Variants in KCTD16 observed in about 807,000 individuals in gnomAD.
KCTD16 encodes the protein potassium channel tetramerization domain containing 16.
KCTD16 carries 13 observed loss-of-function variants against 33.2 expected under a neutral mutation model. The ratio of observed to expected loss-of-function variants is 0.39; its 90% CI spans 0.25 to 0.62. The LOEUF (loss-of-function observed/expected upper bound fraction) is 0.62, where lower values mean the gene tolerates loss of function less well. Among genes scored for constraint, KCTD16 ranks in the 20% least tolerant of loss-of-function variants. The pLI is 0.50. For missense variants in KCTD16, 441 were observed against 525.1 expected (o/e 0.84, Z 1.57); for synonymous variants, 197 against 195.3 (o/e 1.01, Z -0.07).
intron 3 of KCTD16, among the ~76,000 whole-genome samples, chr5:144,421,982 A>G (rs1297799987): frequency 1.3e-5 from 2 of 152,164 alleles, no homozygotes; most frequent in Non-Finnish European, 2.9e-5. Flanking sequence ...ATTTGTCTAC[A>G]TGTGCAGTAG....
chr5:144,182,701 T>G (rs898279490), intron 2 of KCTD16, among the ~76,000 whole-genome samples: 20 of 151,804 alleles, frequency 1.3e-4, no homozygotes, highest in Non-Finnish European at 4.4e-5. Context: ...GCCATAATGG[T>G]GCCATTGCCC....
At chr5:144,220,343 G>T (rs10067368) in intron 3 of KCTD16, among the ~76,000 whole-genome samples, 2,155 of 152,192 alleles carry the variant, frequency 0.014, 47 homozygotes, top group African/African-American at 0.048. Context: ...CTATTTGCTT[G>T]ATTTACTTGT....
chr5:144,288,452 T>G (rs1457789506), intron 3 of KCTD16, among the ~76,000 whole-genome samples: 1 of 152,138 alleles, frequency 6.6e-6, no homozygotes, highest in Non-Finnish European at 1.5e-5. Context: ...GGATGGCTCC[T>G]GCTTGCAGGA....
At chr5:144,218,842 A>G (rs1284429370) in intron 3 of KCTD16, among the ~76,000 whole-genome samples, 9 of 152,238 alleles carry the variant, frequency 5.9e-5, no homozygotes, top group Non-Finnish European at 1.2e-4. Context: ...GAATGTATGG[A>G]TAAATTAATA....
chr5:144,349,365 A>G (rs890099721), intron 3 of KCTD16, among the ~76,000 whole-genome samples: 1 of 152,208 alleles, frequency 6.6e-6, no homozygotes, highest in Non-Finnish European at 1.5e-5. Flanking sequence ...TTTAGCAGGT[A>G]GAGTTTTTCA....
chr5:144,295,842 G>A (rs1205057371), intron 3 of KCTD16, among the ~76,000 whole-genome samples: 1 of 152,162 alleles, frequency 6.6e-6, no homozygotes, highest in Non-Finnish European at 1.5e-5. Context: ...ACTGGAGGAT[G>A]AGAGCCATAA....
intron 2 of KCTD16, among the ~76,000 whole-genome samples, chr5:144,189,388 C>G (rs1299668736): frequency 2.0e-5 from 3 of 151,248 alleles, no homozygotes; most frequent in Admixed American, 6.6e-5. Flanking sequence ...CCCAGCTGCT[C>G]GGGAGGCTGA....
chr5:144,276,193 C>T (rs968041698), intron 3 of KCTD16, among the ~76,000 whole-genome samples: 1 of 152,148 alleles, frequency 6.6e-6, no homozygotes, highest in East Asian at 1.9e-4. Context: ...AATTCTGAGA[C>T]ACATCAATAG....
At chr5:144,255,432 A>G (rs1301230473) in intron 3 of KCTD16, among the ~76,000 whole-genome samples, 2 of 152,148 alleles carry the variant, frequency 1.3e-5, no homozygotes, top group South Asian at 2.1e-4. Flanking sequence ...CAGCTGCACC[A>G]TTTTGCAATC....
At chr5:144,381,823 A>G (rs1752222189) in intron 3 of KCTD16, among the ~76,000 whole-genome samples, 1 of 152,226 alleles carries the variant, frequency 6.6e-6, no homozygotes, top group African/African-American at 2.4e-5. Context: ...TTGGAGATTT[A>G]TCAAAGAATC....
intron 3 of KCTD16, among the ~76,000 whole-genome samples, chr5:144,209,423 C>T (rs1196376030): frequency 6.6e-6 from 1 of 152,096 alleles, no homozygotes; most frequent in Non-Finnish European, 1.5e-5. Context: ...GTTTGTTCTC[C>T]ATCTCTCCAT....
intron 3 of KCTD16, among the ~76,000 whole-genome samples, chr5:144,273,829 A>G (rs1015832417): frequency 1.3e-5 from 2 of 152,024 alleles, no homozygotes; most frequent in African/African-American, 4.8e-5. Flanking sequence ...TTTCAGTTTT[A>G]CAAGATTAAG....
At chr5:144,451,251 G>C (rs966716988) in intron 3 of KCTD16, among the ~76,000 whole-genome samples, 1 of 152,046 alleles carries the variant, frequency 6.6e-6, no homozygotes. Flanking sequence ...GTAAATTAGA[G>C]AGCAGATTTT....
chr5:144,448,033 C>T (rs920691287), intron 3 of KCTD16, among the ~76,000 whole-genome samples: 6 of 150,780 alleles, frequency 4.0e-5, no homozygotes, highest in Non-Finnish European at 8.8e-5. Context: ...TGATCTGGCT[C>T]TTTTCTGCTC....
chr5:144,300,264 T>C (rs1751396911), intron 3 of KCTD16, among the ~76,000 whole-genome samples: 1 of 152,196 alleles, frequency 6.6e-6, no homozygotes, highest in South Asian at 2.1e-4. Context: ...AGTTACTCTT[T>C]TGCAAAAATA....
chr5:144,304,311 C>T lies in KCTD16; in HGVS notation c.832+96765C>T, dbSNP rs577814736. ...GAAGTGCAGCATGAAGCACATGTGA[C>T]ATAGCAGCAATAAGTCATCTTTCTG... On this transcript the variant is annotated intron_variant, in intron 3 of 3. Coordinates refer to ENST00000512467, the MANE Select transcript of KCTD16 (RefSeq NM_020768.4). 2.6e-5 allele frequency among the ~76,000 whole-genome samples: 4 copies of T among 152,250 alleles called. No homozygotes were observed. The East Asian group carries it at 7.7e-4, about 29-fold the overall frequency.
rs1754588000 is a variant in KCTD16 at position 144,476,089 on chromosome 5, T to G, written c.*1975T>G. On this transcript the variant is annotated 3_prime_UTR_variant, in exon 4 of 4. Coordinates refer to ENST00000512467, the MANE Select transcript of KCTD16 (RefSeq NM_020768.4). The stretch of plus-strand genomic sequence containing the variant: ...TGTTTGTAAACTTACCAGTATGTCT[T>G]GATTCTTTTCAATGTTTCTTGATAG... 3 of 152,372 alleles carry G rather than the reference T, an allele frequency of 2.0e-5. No individual in the cohort carries two copies. Among genetic ancestry groups the G allele is most frequent in the Middle Eastern group, 6.8e-3 (2 of 294 alleles). The allele number at this position is 152,372 out of a possible 1,614,324, so 9.4% of individuals were successfully genotyped here. A position where few individuals can be genotyped will look rare whatever the true frequency, so the allele number is the denominator to read the frequency against.
intron 2 of KCTD16, among the ~76,000 whole-genome samples, chr5:144,181,842 C>G (rs1246744868): frequency 6.6e-6 from 1 of 152,092 alleles, no homozygotes; most frequent in Non-Finnish European, 1.5e-5. Context: ...GCCTGTAATC[C>G]TAGCACTTTG....
In KCTD16 at chr5:144,485,563, A is replaced by G. The variant is rs934535813; in HGVS notation, c.*11449A>G. The G allele has an allele frequency of 1.3e-5, 2 of 151,952 alleles. No homozygotes were observed. Among genetic ancestry groups the G allele is most frequent in the South Asian group, 2.1e-4 (1 of 4,834 alleles). 9.4% of individuals were successfully genotyped at this position (151,952 alleles called of 1,614,324 possible). A position where few individuals can be genotyped will look rare whatever the true frequency, so the allele number is the denominator to read the frequency against. On this transcript the variant is annotated 3_prime_UTR_variant, in exon 4 of 4. Coordinates refer to ENST00000512467, the MANE Select transcript of KCTD16 (RefSeq NM_020768.4). ...TATTTTAAAAGGAAGAACAGAAACTATATTTCAGATTCTTGTGTGAATATA... is the reference window on the plus strand; with the variant it reads ...TATTTTAAAAGGAAGAACAGAAACTGTATTTCAGATTCTTGTGTGAATATA...
Sources: allele counts gnomAD v4.1 joint callset (sites outside exome capture counted in the v4.1 genomes callset), GRCh38; gene constraint gnomAD v4.1.1; transcripts MANE v1.5; gene names NCBI Gene and HGNC (gene_info 2026-07-23, HGNC 2026-07-21).